The following CTNNA3 variants were observed in gnomAD, a reference collection of about 807,000 sequenced individuals.
CTNNA3 encodes catenin alpha 3, also known as catenin alpha-3.
In CTNNA3, 76 loss-of-function variants were observed where a neutral mutation model predicts 95.7. The observed-to-expected ratio is 0.79, with a 90% CI of 0.66 to 0.96. The LOEUF (loss-of-function observed/expected upper bound fraction) is 0.96. Ranked by LOEUF, CTNNA3 falls within the 40% of genes least tolerant of loss-of-function variation. The pLI is 0.00. For missense variants in CTNNA3, 1,191 were observed against 1,089.8 expected (o/e 1.09, Z -1.31); for synonymous variants, 431 against 374.4 (o/e 1.15, Z -1.74).
chr10:65,976,478 A>T (rs891334209), intron 16 of CTNNA3, among the ~76,000 whole-genome samples: 4 of 152,230 alleles, frequency 2.6e-5, no homozygotes, highest in African/African-American at 9.6e-5. Flanking sequence ...TCAAATGAGT[A>T]GAAAGTGTGA....
At chr10:66,747,561 C>G (rs1333175939) in intron 9 of CTNNA3, among the ~76,000 whole-genome samples, 1 of 151,112 alleles carries the variant, frequency 6.6e-6, no homozygotes, top group Non-Finnish European at 1.5e-5. Flanking sequence ...CGTCACTTAG[C>G]TACCTTCCAG....
chr10:66,926,440 G>A (rs901831309), intron 7 of CTNNA3: 7 of 796,684 alleles, frequency 8.8e-6, no homozygotes, highest in Middle Eastern at 2.3e-4. Flanking sequence ...TTCCAAAATC[G>A]GTCCATCTCC....
At chr10:66,534,485 T>TG in intron 10 of CTNNA3, among the ~76,000 whole-genome samples, 1 of 13,914 alleles carries the variant, frequency 7.2e-5, no homozygotes, top group Non-Finnish European at 3.6e-4. Flanking sequence ...TATATATATA[T>TG]ATATATATAT....
At chr10:67,404,622 G>T (rs577587196) in intron 5 of CTNNA3, among the ~76,000 whole-genome samples, 1 of 152,196 alleles carries the variant, frequency 6.6e-6, no homozygotes, top group South Asian at 2.1e-4. Flanking sequence ...GGACCATTTT[G>T]GATAACATAA....
chr10:67,008,946 A>C (rs570132302), intron 7 of CTNNA3, among the ~76,000 whole-genome samples: 1 of 152,160 alleles, frequency 6.6e-6, no homozygotes, highest in Non-Finnish European at 1.5e-5. Context: ...TTATATTTAA[A>C]AGATAACTTG....
At chr10:67,078,891 CA>C (rs1476386687) in intron 7 of CTNNA3, among the ~76,000 whole-genome samples, 1 of 152,164 alleles carries the variant, frequency 6.6e-6, no homozygotes, top group Non-Finnish European at 1.5e-5. Flanking sequence ...TTTGACAATG[CA>C]AAAGCAGAGA....
intron 5 of CTNNA3, among the ~76,000 whole-genome samples, chr10:67,312,216 G>A (rs1840840698): frequency 6.6e-6 from 1 of 151,942 alleles, no homozygotes. Context: ...GGGATTACAG[G>A]CACGCACCAC....
At chr10:66,049,227 C>A (rs530216650) in intron 15 of CTNNA3, among the ~76,000 whole-genome samples, 1 of 152,204 alleles carries the variant, frequency 6.6e-6, no homozygotes, top group South Asian at 2.1e-4. Flanking sequence ...CAAATTGAAA[C>A]CACAATGAGA....
rs562817007 is a variant in CTNNA3, at chr10:65,928,125, T to G, written c.2401-7508A>C. On this transcript the variant is annotated intron_variant, in intron 17 of 17. Coordinates refer to ENST00000433211, the MANE Select transcript of CTNNA3 (RefSeq NM_013266.4). ...TTCCTTTATGCTTTCTTCCAGATAT[T>G]TGAAGTTAGAGATTTATGTTTATGA... is the stretch of plus-strand genomic sequence containing the variant. Among the ~76,000 whole-genome samples, 10 of 152,342 alleles carry G rather than the reference T, an allele frequency of 6.6e-5. No individual in the cohort carries two copies. In the East Asian group the frequency reaches 1.7e-3, roughly 26 times the overall value.
intron 11 of CTNNA3, among the ~76,000 whole-genome samples, chr10:66,432,892 T>C (rs1290819652): frequency 2.0e-5 from 3 of 152,140 alleles, no homozygotes; most frequent in Admixed American, 6.5e-5. Flanking sequence ...AGTGAGAACA[T>C]AGGGTGTTTG....
chr10:67,264,927 A>AG (rs1374426836), intron 5 of CTNNA3, among the ~76,000 whole-genome samples: 2 of 152,208 alleles, frequency 1.3e-5, no homozygotes, highest in African/African-American at 4.8e-5. Context: ...ATCCAATTCT[A>AG]GTGTTTTGAA....
intron 7 of CTNNA3, among the ~76,000 whole-genome samples, chr10:67,084,571 A>C (rs986035706): frequency 5.3e-5 from 8 of 151,974 alleles, no homozygotes; most frequent in African/African-American, 1.4e-4. Flanking sequence ...TCCTGATCCT[A>C]CATTAGATTT....
At chr10:66,135,451 A>C (rs1330003625) in intron 13 of CTNNA3, among the ~76,000 whole-genome samples, 1 of 152,200 alleles carries the variant, frequency 6.6e-6, no homozygotes, top group African/African-American at 2.4e-5. Flanking sequence ...TAATGTATTA[A>C]ATCATTTCAT....
intron 5 of CTNNA3, among the ~76,000 whole-genome samples, chr10:67,397,673 A>G (rs1844758781): frequency 6.6e-6 from 1 of 152,188 alleles, no homozygotes; most frequent in African/African-American, 2.4e-5. Context: ...CATGTCAGAG[A>G]CCATCACAGC....
chr10:66,353,852 A>G (rs988357838), intron 12 of CTNNA3, among the ~76,000 whole-genome samples: 22 of 151,448 alleles, frequency 1.5e-4, no homozygotes, highest in Admixed American at 4.6e-4. Context: ...ATATTTGAGG[A>G]GGCTTTTTGT....
chr10:65,957,086 T>C (rs2077746586), intron 17 of CTNNA3, among the ~76,000 whole-genome samples: 1 of 152,212 alleles, frequency 6.6e-6, no homozygotes, highest in South Asian at 2.1e-4. Context: ...ATTGGGTGCA[T>C]ATATATTTAG....
chr10:66,217,958 C>A (rs1374714404), intron 13 of CTNNA3, among the ~76,000 whole-genome samples: 1 of 152,094 alleles, frequency 6.6e-6, no homozygotes, highest in Non-Finnish European at 1.5e-5. Context: ...CACCTGCGCA[C>A]TAGGGGAAGG....
chr10:67,406,419 T>C (rs1172609158), intron 5 of CTNNA3, among the ~76,000 whole-genome samples: 2 of 152,150 alleles, frequency 1.3e-5, no homozygotes, highest in Non-Finnish European at 2.9e-5. Context: ...ACCCAGTTAA[T>C]GCAGTGTTAA....
intron 17 of CTNNA3, among the ~76,000 whole-genome samples, chr10:65,953,736 T>C (rs1165477484): frequency 6.6e-6 from 1 of 152,242 alleles, no homozygotes; most frequent in African/African-American, 2.4e-5. Context: ...TATGGCTGCA[T>C]AGTATTCCAT....
Sources: allele counts gnomAD v4.1 joint callset (sites outside exome capture counted in the v4.1 genomes callset), GRCh38; gene constraint gnomAD v4.1.1; transcripts MANE v1.5; gene names NCBI Gene and HGNC (gene_info 2026-07-23, HGNC 2026-07-21).